The following TSG101 variants were observed in gnomAD, a reference collection of about 807,000 sequenced individuals.
TSG101 encodes the protein tumor susceptibility gene 101 protein.
TSG101 carries 19 observed loss-of-function variants against 48.5 expected under a neutral mutation model. The ratio of observed to expected loss-of-function variants is 0.39; its 90% CI spans 0.27 to 0.58. TSG101 has a LOEUF of 0.58. Among genes scored for constraint, TSG101 ranks in the 20% least tolerant of loss-of-function variants. The pLI is 0.55. For missense variants in TSG101, 365 were observed against 484.4 expected, an observed-to-expected ratio of 0.75 and a Z score of 2.31; for synonymous variants, 174 against 169.4, an observed-to-expected ratio of 1.03 and a Z score of -0.21.
chr11:18,506,487 T>C (rs1849975102), intron 6 of TSG101, among the ~76,000 whole-genome samples: 1 of 151,706 alleles, frequency 6.6e-6, no homozygotes, highest in Non-Finnish European at 1.5e-5. Context: ...GGTCAGGAGT[T>C]TGAGACCAGC....
At chr11:18,501,228 T>C (rs1015671834) in intron 7 of TSG101, among the ~76,000 whole-genome samples, 1 of 152,216 alleles carries the variant, frequency 6.6e-6, no homozygotes, top group African/African-American at 2.4e-5. Context: ...TATGTATTCT[T>C]CTAGTAGTTT....
intron 1 of TSG101, among the ~76,000 whole-genome samples, chr11:18,520,991 C>G (rs11024696): frequency 0.16 from 24,625 of 151,514 alleles, 2,604 homozygotes; most frequent in East Asian, 0.41. Context: ...AGATCGTGCC[C>G]TTGCACTCCA....
At chr11:18,488,033 C>CTA (rs1849646289) in intron 7 of TSG101, among the ~76,000 whole-genome samples, 1 of 152,016 alleles carries the variant, frequency 6.6e-6, no homozygotes, top group Non-Finnish European at 1.5e-5. Context: ...TTCTTTTTTG[C>CTA]TATACTATTT....
chr11:18,525,969 T>C (rs1425786548), intron 1 of TSG101, among the ~76,000 whole-genome samples: 1 of 152,214 alleles, frequency 6.6e-6, no homozygotes, highest in East Asian at 1.9e-4. Context: ...AGCTAACACG[T>C]TGAACTGGTC....
intron 7 of TSG101, among the ~76,000 whole-genome samples, chr11:18,495,094 T>TA (rs1849753805): frequency 6.6e-6 from 1 of 152,216 alleles, no homozygotes; most frequent in Non-Finnish European, 1.5e-5. Context: ...GAATCTCTGT[T>TA]AATAGCACCC....
At chr11:18,482,550 T>G (rs1006428240) in intron 8 of TSG101, among the ~76,000 whole-genome samples, 2 of 152,208 alleles carry the variant, frequency 1.3e-5, no homozygotes, top group Non-Finnish European at 2.9e-5. Context: ...AAATGGAGCG[T>G]GAAATTGGCA....
Position 18,516,183 on chromosome 11 carries a change from GA to G in TSG101, c.128-20del, listed in dbSNP as rs1172137312. 6.2e-7 allele frequency: 1 copy of G among 1,610,012 alleles called. No individual in the cohort carries two copies. Among genetic ancestry groups the G allele is most frequent in the Non-Finnish European group, 8.5e-7 (1 of 1,177,158 alleles). On this transcript the variant is annotated intron_variant, in intron 2 of 9. Coordinates refer to ENST00000251968, the MANE Select transcript of TSG101 (RefSeq NM_006292.4). The stretch of plus-strand genomic sequence containing the variant: ...TTAAAAACTGAAAGGAAAGAACAAT[GA>G]TTTAATCATGAGCATTTTTTAAGAT...
At chr11:18,508,221 CTTTT>C (rs528297285) in intron 5 of TSG101, among the ~76,000 whole-genome samples, 6 of 135,864 alleles carry the variant, frequency 4.4e-5, no homozygotes, top group Admixed American at 7.4e-5. Context: ...TATTTGATAT[CTTTT>C]TTTTTTTTTT....
chr11:18,520,016 G>A (rs921513305), intron 1 of TSG101, among the ~76,000 whole-genome samples: 3 of 152,084 alleles, frequency 2.0e-5, no homozygotes, highest in African/African-American at 7.2e-5. Flanking sequence ...ATCAACTTCA[G>A]AACATTTTCA....
At chr11:18,515,658 T>C (rs1590286898) in intron 3 of TSG101, among the ~76,000 whole-genome samples, 1 of 152,356 alleles carries the variant, frequency 6.6e-6, no homozygotes, top group East Asian at 1.9e-4. Context: ...GGTACTATTA[T>C]CCAAATGTCA....
At chr11:18,520,832 A>G (rs1590289826) in intron 1 of TSG101, among the ~76,000 whole-genome samples, 1 of 152,032 alleles carries the variant, frequency 6.6e-6, no homozygotes, top group Non-Finnish European at 1.5e-5. Flanking sequence ...GGAGTTCGAG[A>G]CCAGCCTGGC....
intron 7 of TSG101, among the ~76,000 whole-genome samples, chr11:18,488,685 T>C (rs1468524044): frequency 6.6e-6 from 1 of 152,172 alleles, no homozygotes; most frequent in Non-Finnish European, 1.5e-5. Context: ...AGTTGCTCAC[T>C]AATGTCTCTC....
chr11:18,513,391 G>A (rs61884675), intron 4 of TSG101, among the ~76,000 whole-genome samples: 2,791 of 152,002 alleles, frequency 0.018, 40 homozygotes, highest in Non-Finnish European at 0.031. Context: ...GAATTCCCAG[G>A]CTCAAGTGAT....
chr11:18,492,296 T>C (rs560695982), intron 7 of TSG101, among the ~76,000 whole-genome samples: 32 of 152,358 alleles, frequency 2.1e-4, no homozygotes, highest in African/African-American at 7.5e-4. Flanking sequence ...TTCAATCACA[T>C]GCAACAGTGG....
chr11:18,525,971 G>C (rs1395968747), intron 1 of TSG101, among the ~76,000 whole-genome samples: 1 of 152,130 alleles, frequency 6.6e-6, no homozygotes, highest in Admixed American at 6.5e-5. Context: ...CTAACACGTT[G>C]AACTGGTCAA....
intron 1 of TSG101, 113 bp downstream of exon 1, chr11:18,526,662 C>A (rs998807660): frequency 1.5e-6 from 2 of 1,336,198 alleles, no homozygotes; most frequent in Admixed American, 2.2e-5. Context: ...AAGGACTGCA[C>A]CGGGGCTTCC....
chr11:18,500,618 T>C (rs1849872597), intron 7 of TSG101, among the ~76,000 whole-genome samples: 1 of 152,184 alleles, frequency 6.6e-6, no homozygotes. Context: ...TGTTGGCCAT[T>C]TGTATGTCTT....
At chr11:18,480,718 G>A in intron 9 of TSG101, 83 bp from the exon 10 acceptor site, 1 of 1,300,470 alleles carries the variant, frequency 7.7e-7, no homozygotes, top group Non-Finnish European at 1.1e-6. Flanking sequence ...TAACCTAGAT[G>A]GGATCTAAGA....
rs749854247 is a variant in TSG101, at chr11:18,516,182, T to C, written c.128-18A>G. Reference sequence around the variant, plus strand: ...GTTAAAAACTGAAAGGAAAGAACAATGATTTAATCATGAGCATTTTTTAAG... The same window carrying C: ...GTTAAAAACTGAAAGGAAAGAACAACGATTTAATCATGAGCATTTTTTAAG... On this transcript the variant is annotated intron_variant, in intron 2 of 9. Transcript: ENST00000251968. 6.2e-6 allele frequency: 10 copies of C among 1,610,968 alleles called. No individual in the cohort carries two copies. In the East Asian group the frequency reaches 1.6e-4, roughly 25 times the overall value.
Sources: allele counts gnomAD v4.1 joint callset (sites outside exome capture counted in the v4.1 genomes callset), GRCh38; gene constraint gnomAD v4.1.1; transcripts MANE v1.5; gene names NCBI Gene and HGNC (gene_info 2026-07-23, HGNC 2026-07-21).